Variants in WAPL observed in about 807,000 individuals in gnomAD.
WAPL encodes wings apart-like protein homolog.
Under a neutral mutation model 121.0 loss-of-function variants are expected in WAPL, and 5 were observed. That is an observed-to-expected ratio of 0.04 (90% CI 0.02 to 0.09). The LOEUF (loss-of-function observed/expected upper bound fraction) is 0.09, where lower values mean the gene tolerates loss of function less well. Ranked by LOEUF, WAPL falls within the 10% of genes least tolerant of loss-of-function variation. The pLI, the probability that WAPL is intolerant of heterozygous loss-of-function variation, is 1.00. For missense variants in WAPL, 999 were observed against 1,410.8 expected, an observed-to-expected ratio of 0.71 and a Z score of 4.68; for synonymous variants, 480 against 481.5, an observed-to-expected ratio of 1.00 and a Z score of 0.04.
Position 86,472,651 on chromosome 10 carries a change from A to T in WAPL, c.1854T>A (p.Asp618Glu), listed in dbSNP as rs763330119. 1.9e-6 allele frequency: 3 copies of T among 1,613,960 alleles called. No homozygotes were observed. The South Asian group carries it at 3.3e-5, about 18-fold the overall frequency. ...TVTIPTQPYQ[D>E]IVTALKCRRE... The stretch of plus-strand genomic sequence containing the variant: ...GTCTGCATTTCAGTGCAGTAACTAT[A>T]TCTTGGTAGGGCTGAGTAGGTATTG... Residue 618 changes from aspartate (D) to glutamate (E), a missense_variant, in exon 6 of 19, where the codon GAT (aspartate) becomes GAA (glutamate). Asp to Glu is a conservative substitution (Grantham distance 45). This residue lies in a region of WAPL where 74 missense variants were observed against 115.1 expected (regional missense o/e 0.64). Coordinates refer to ENST00000298767, the MANE Select transcript of WAPL (RefSeq NM_015045.5). This position sits in a 1 kb window ranked among gnomAD's most constrained non-coding sequence, Gnocchi z 4.2.
chr10:86,452,167 T>C, intron 14 of WAPL, 36 bp from the exon 15 acceptor site: 2 of 1,595,976 alleles, frequency 1.3e-6, no homozygotes, highest in Non-Finnish European at 8.6e-7. Context: ...TTATCAGAGA[T>C]GAGTACTTAA....
At chr10:86,497,179 T>C (rs1209984217) in intron 4 of WAPL, 22 bp downstream of exon 4, 1 of 1,540,684 alleles carries the variant, frequency 6.5e-7, no homozygotes, top group Non-Finnish European at 8.9e-7. Flanking sequence ...ATAATAAAAA[T>C]CACTGACAGT....
At chr10:86,471,269 A>G (rs1841527626) in intron 7 of WAPL, among the ~76,000 whole-genome samples, 166 bp from the exon 8 acceptor site, 2 of 152,226 alleles carry the variant, frequency 1.3e-5, no homozygotes, top group African/African-American at 4.8e-5. Context: ...TATTAAAAAT[A>G]TACTGATGCC....
chr10:86,492,822 C>T (rs973992894), intron 4 of WAPL, among the ~76,000 whole-genome samples: 5 of 152,050 alleles, frequency 3.3e-5, no homozygotes, highest in African/African-American at 4.8e-5. Context: ...TTTGGGAAGC[C>T]GAGGCGAGCA....
At chr10:86,497,393 T>C (rs1370853904) in intron 3 of WAPL, 74 bp from the exon 4 acceptor site, 8 of 1,048,492 alleles carry the variant, frequency 7.6e-6, no homozygotes, top group African/African-American at 1.6e-5. Context: ...CAAGATTATA[T>C]ATACATGAAT....
At chr10:86,444,718 T>TG (rs1849559625) in intron 16 of WAPL, among the ~76,000 whole-genome samples, 1 of 151,920 alleles carries the variant, frequency 6.6e-6, no homozygotes, top group African/African-American at 2.4e-5. Flanking sequence ...GTTCCTTTAG[T>TG]GGTGATAAAA....
At chr10:86,487,374 T>C (rs991865427) in intron 4 of WAPL, among the ~76,000 whole-genome samples, 6 of 152,180 alleles carry the variant, frequency 3.9e-5, no homozygotes, top group Admixed American at 6.5e-5. Flanking sequence ...AAACAATAGG[T>C]AGTTAAATCC....
intron 2 of WAPL, among the ~76,000 whole-genome samples, chr10:86,514,154 T>G (rs1258532644): frequency 6.6e-6 from 1 of 152,094 alleles, no homozygotes; most frequent in Non-Finnish European, 1.5e-5. Context: ...GCAATGAAAA[T>G]TGACAGACAT....
intron 4 of WAPL, among the ~76,000 whole-genome samples, chr10:86,492,841 G>C (rs534480755): frequency 4.3e-4 from 66 of 152,166 alleles, no homozygotes; most frequent in African/African-American, 1.5e-3. Context: ...CAGATCACGA[G>C]GGTCAGGAGA....
chr10:86,499,478 C>A (rs1284028974), intron 3 of WAPL, among the ~76,000 whole-genome samples: 1 of 151,998 alleles, frequency 6.6e-6, no homozygotes, highest in Non-Finnish European at 1.5e-5. Context: ...GTATACATAC[C>A]TATGATAAAG....
intron 2 of WAPL, among the ~76,000 whole-genome samples, chr10:86,503,359 A>G (rs914629929): frequency 6.6e-6 from 1 of 152,206 alleles, no homozygotes; most frequent in Non-Finnish European, 1.5e-5. Flanking sequence ...CCCATGAAAT[A>G]CAGTTGAGGC....
rs768790033 is a variant in WAPL, at chr10:86,472,594, C to G, written c.1893+18G>C. ...AAAATCTATCAACATGCAGTAAACA[C>G]TGTATATGGCTGCTTACTTCTTTGT... On this transcript the variant is annotated intron_variant, in intron 6 of 18. Transcript: ENST00000298767. This position sits in a 1 kb window ranked among gnomAD's most constrained non-coding sequence, Gnocchi z 4.2. 6.2e-7 allele frequency: 1 copy of G among 1,607,092 alleles called. No homozygotes were observed. The highest frequency in any genetic ancestry group is 1.7e-5 in the Admixed American group (1 of 58,176).
At chr10:86,468,696 G>A (rs956431923) in intron 8 of WAPL, among the ~76,000 whole-genome samples, 2 of 152,046 alleles carry the variant, frequency 1.3e-5, no homozygotes. Context: ...AGGCGTGGTG[G>A]CTCACACCTG....
intron 15 of WAPL, among the ~76,000 whole-genome samples, chr10:86,450,178 A>G (rs568604455): frequency 1.4e-4 from 21 of 152,342 alleles, no homozygotes; most frequent in African/African-American, 4.8e-4. Flanking sequence ...CTGTGAGTCT[A>G]TAACTATTTT....
At chr10:86,504,846 G>T (rs1842314010) in intron 2 of WAPL, among the ~76,000 whole-genome samples, 1 of 151,788 alleles carries the variant, frequency 6.6e-6, no homozygotes, top group Admixed American at 6.6e-5. Context: ...ACAAAAAATA[G>T]GAATAAAATT....
intron 4 of WAPL, among the ~76,000 whole-genome samples, chr10:86,495,266 A>C (rs182600408): frequency 1.1e-3 from 174 of 152,326 alleles, no homozygotes; most frequent in African/African-American, 4.1e-3. Context: ...TAGGAGTTCA[A>C]GACCAGCATG....
intron 15 of WAPL, among the ~76,000 whole-genome samples, chr10:86,448,618 T>A (rs995419744): frequency 6.6e-6 from 1 of 152,200 alleles, no homozygotes; most frequent in Admixed American, 6.5e-5. Flanking sequence ...TTGCACATTT[T>A]TTTATTTACT....
chr10:86,438,086 T>C, intron 17 of WAPL, 71 bp from the exon 18 acceptor site: 2 of 1,171,556 alleles, frequency 1.7e-6, no homozygotes, highest in Non-Finnish European at 2.5e-6. Context: ...ACAATGTTGT[T>C]GGTTTTGACA....
At chr10:86,496,875 T>A (rs1655098686) in intron 4 of WAPL, among the ~76,000 whole-genome samples, 1 of 70,228 alleles carries the variant, frequency 1.4e-5, no homozygotes, top group African/African-American at 4.9e-5. Context: ...TAGTATTGAC[T>A]AGGTGTGCAG....
Sources: allele counts gnomAD v4.1 joint callset (sites outside exome capture counted in the v4.1 genomes callset), GRCh38; gene constraint gnomAD v4.1.1; regional missense constraint gnomAD v4.1.1; non-coding constraint Gnocchi (gnomAD v3.1); transcripts MANE v1.5; gene names NCBI Gene and HGNC (gene_info 2026-07-23, HGNC 2026-07-21).